The following DCC variants were observed in gnomAD, a reference collection of about 807,000 sequenced individuals.
DCC encodes the protein netrin receptor DCC.
A neutral mutation model predicts 172.5 loss-of-function variants in DCC; 58 were observed. That is an observed-to-expected ratio of 0.34 (90% CI 0.27 to 0.42). The LOEUF is 0.42. Ranked by LOEUF, DCC falls within the 10% of genes least tolerant of loss-of-function variation. The probability of loss-of-function intolerance (pLI) is 1.00; values close to 1 mark genes in which losing one functional copy is unlikely to be tolerated. For synonymous variants in DCC, 709 were observed against 644.5 expected (o/e 1.10, Z -1.52); for missense variants, 1,740 against 1,791.0 (o/e 0.97, Z 0.51).
chr18:52,943,371 C>G (rs2040492698), intron 5 of DCC, among the ~76,000 whole-genome samples: 1 of 152,056 alleles, frequency 6.6e-6, no homozygotes, highest in Admixed American at 6.6e-5. Flanking sequence ...GCTGTAATTA[C>G]TGTGCATATT....
intron 1 of DCC, among the ~76,000 whole-genome samples, chr18:52,583,564 A>G (rs981862702): frequency 6.6e-6 from 1 of 152,160 alleles, no homozygotes; most frequent in Non-Finnish European, 1.5e-5. Context: ...ATTATGACCT[A>G]TTACTAAATA....
rs539413804 is a variant in DCC at position 53,287,874 on chromosome 18, C to G, written c.1912-17704C>G. 2.6e-5 allele frequency among the ~76,000 whole-genome samples: 4 copies of G among 152,262 alleles called. No individual in the cohort carries two copies. The South Asian group carries it at 8.3e-4, about 32-fold the overall frequency. ...AGACTATTAAAAAAGTAGCCACTGC[C>G]TCAATCCATATTTTGAGGTCACTGA... On this transcript the variant is annotated intron_variant, in intron 12 of 28. Coordinates refer to ENST00000442544, the MANE Select transcript of DCC (RefSeq NM_005215.4).
intron 22 of DCC, among the ~76,000 whole-genome samples, chr18:53,447,435 C>T (rs1052831132): frequency 3.9e-5 from 6 of 152,224 alleles, no homozygotes; most frequent in Admixed American, 1.3e-4. Flanking sequence ...TCATGAACCC[C>T]GACTCTCCCA....
chr18:52,845,896 C>T (rs1192075041), intron 2 of DCC, among the ~76,000 whole-genome samples: 1 of 151,464 alleles, frequency 6.6e-6, no homozygotes, highest in African/African-American at 2.4e-5. Flanking sequence ...GGGGAAAGTC[C>T]CTCCTTAGAG....
intron 1 of DCC, among the ~76,000 whole-genome samples, chr18:52,343,045 A>G (rs1983725385): frequency 6.6e-6 from 1 of 152,244 alleles, no homozygotes; most frequent in African/African-American, 2.4e-5. Flanking sequence ...TAACGGATCT[A>G]AATCTTTAAA....
chr18:53,190,458 C>CTGTGTG (rs67103778), intron 9 of DCC, among the ~76,000 whole-genome samples: 326 of 146,368 alleles, frequency 2.2e-3, no homozygotes, highest in African/African-American at 5.7e-3. Context: ...ACTGCTAACT[C>CTGTGTG]TGTGTGTGTG....
chr18:53,516,866 C>T (rs1325704514), intron 27 of DCC, among the ~76,000 whole-genome samples: 23 of 141,474 alleles, frequency 1.6e-4, no homozygotes, highest in Non-Finnish European at 2.5e-4. Flanking sequence ...TAAACTAGTT[C>T]AACCATTGTG....
At chr18:53,530,304 G>A (rs1185246165) in intron 28 of DCC, 1 of 702,416 alleles carries the variant, frequency 1.4e-6, no homozygotes, top group East Asian at 2.7e-5. Context: ...AACTTGATTT[G>A]AAACCCAATC....
intron 7 of DCC, among the ~76,000 whole-genome samples, chr18:53,103,128 G>T (rs974432008): frequency 6.6e-6 from 1 of 151,866 alleles, no homozygotes; most frequent in South Asian, 2.1e-4. Context: ...ACTACCCTAG[G>T]ATATATCACC....
intron 2 of DCC, among the ~76,000 whole-genome samples, chr18:52,830,233 A>C: frequency 6.6e-6 from 1 of 152,218 alleles, no homozygotes; most frequent in East Asian, 1.9e-4. Context: ...ACCGGTTTGA[A>C]TGTGGTCCAA....
intron 1 of DCC, among the ~76,000 whole-genome samples, chr18:52,546,657 A>ATC (rs1166243741): frequency 7.0e-6 from 1 of 142,754 alleles, no homozygotes; most frequent in East Asian, 2.4e-4. Flanking sequence ...GATCAATAAT[A>ATC]ATATCATCAT....
At chr18:52,899,053 C>T (rs35848971) in intron 2 of DCC, among the ~76,000 whole-genome samples, 1 of 152,228 alleles carries the variant, frequency 6.6e-6, no homozygotes, top group Non-Finnish European at 1.5e-5. Context: ...CTCACCACCT[C>T]TACACCAACC....
chr18:52,886,275 T>A (rs1324302776), intron 2 of DCC, among the ~76,000 whole-genome samples: 1 of 151,728 alleles, frequency 6.6e-6, no homozygotes, highest in Non-Finnish European at 1.5e-5. Context: ...TTGAGTTTAC[T>A]TAGAACCCCA....
At chr18:52,821,238 C>T (rs2038401776) in intron 2 of DCC, among the ~76,000 whole-genome samples, 1 of 152,158 alleles carries the variant, frequency 6.6e-6, no homozygotes, top group Non-Finnish European at 1.5e-5. Flanking sequence ...CCCTTGTTAC[C>T]TGAGTGGCAC....
At chr18:53,287,605 C>A (rs2056951243) in intron 12 of DCC, among the ~76,000 whole-genome samples, 2 of 152,132 alleles carry the variant, frequency 1.3e-5, no homozygotes, top group Non-Finnish European at 2.9e-5. Flanking sequence ...TTCCCACAAG[C>A]CACTTTTACG....
intron 20 of DCC, among the ~76,000 whole-genome samples, chr18:53,414,997 A>G (rs1052874613): frequency 6.6e-6 from 1 of 152,234 alleles, no homozygotes; most frequent in African/African-American, 2.4e-5. Context: ...TTAGGATGTA[A>G]TAGACATAAA....
intron 7 of DCC, among the ~76,000 whole-genome samples, chr18:53,102,090 G>A (rs1290226112): frequency 6.6e-6 from 1 of 152,094 alleles, no homozygotes; most frequent in Non-Finnish European, 1.5e-5. Context: ...TAGAGGCCAT[G>A]CTCATTACCA....
At chr18:52,781,116 A>G (rs1386221872) in intron 2 of DCC, among the ~76,000 whole-genome samples, 1 of 152,198 alleles carries the variant, frequency 6.6e-6, no homozygotes, top group Non-Finnish European at 1.5e-5. Context: ...ATGTAGAAAT[A>G]CAACTGGACA....
chr18:52,405,914 T>A (rs1399974594), intron 1 of DCC, among the ~76,000 whole-genome samples: 2 of 151,706 alleles, frequency 1.3e-5, no homozygotes, highest in Non-Finnish European at 2.9e-5. Context: ...CTACCTGACT[T>A]CAAACTATAC....
Sources: allele counts gnomAD v4.1 joint callset (sites outside exome capture counted in the v4.1 genomes callset), GRCh38; gene constraint gnomAD v4.1.1; transcripts MANE v1.5; gene names NCBI Gene and HGNC (gene_info 2026-07-23, HGNC 2026-07-21).